Variants in CRADD observed in about 807,000 individuals in gnomAD.
CRADD encodes the protein CARD and death domain containing adaptor protein.
Under a neutral mutation model 15.5 loss-of-function variants are expected in CRADD, and 9 were observed. The observed-to-expected ratio is 0.58, with a 90% CI of 0.35 to 1.01. The LOEUF (loss-of-function observed/expected upper bound fraction) is 1.01, where lower values mean the gene tolerates loss of function less well. Ranked by LOEUF, CRADD falls within the 50% of genes least tolerant of loss-of-function variation. The pLI is 0.02. For synonymous variants in CRADD, 118 were observed against 107.6 expected (o/e 1.10, Z -0.60); for missense variants, 227 against 250.3 (o/e 0.91, Z 0.63).
At chr12:93,861,063 T>C (rs1481205179) in intron 2 of CRADD, among the ~76,000 whole-genome samples, 2 of 152,130 alleles carry the variant, frequency 1.3e-5, no homozygotes, top group Non-Finnish European at 2.9e-5. Flanking sequence ...TAACAGAACT[T>C]GGCCAAGATT....
chr12:93,794,630 T>C (rs904623671), intron 2 of CRADD, among the ~76,000 whole-genome samples: 8 of 152,128 alleles, frequency 5.3e-5, no homozygotes, highest in African/African-American at 1.7e-4. Flanking sequence ...CCATATCACC[T>C]CCTAATCCAT....
intron 2 of CRADD, among the ~76,000 whole-genome samples, chr12:93,728,861 G>T (rs1480960564): frequency 6.6e-6 from 1 of 152,182 alleles, no homozygotes; most frequent in Admixed American, 6.5e-5. Flanking sequence ...GAAAATCAAT[G>T]TAATTTATTG....
chr12:93,885,436 G>C (rs1958529546), intron 2 of CRADD, among the ~76,000 whole-genome samples: 1 of 151,400 alleles, frequency 6.6e-6, no homozygotes, highest in African/African-American at 2.4e-5. Context: ...AGGTCCTCGT[G>C]CCCCCGCCAC....
At chr12:93,698,900 C>CT (rs1955774993) in intron 2 of CRADD, among the ~76,000 whole-genome samples, 1 of 152,142 alleles carries the variant, frequency 6.6e-6, no homozygotes, top group Admixed American at 6.5e-5. Flanking sequence ...TCTCTGGCTG[C>CT]TTTCACAATA....
intron 2 of CRADD, among the ~76,000 whole-genome samples, chr12:93,686,729 A>C (rs1181704098): frequency 6.6e-6 from 1 of 152,226 alleles, no homozygotes; most frequent in Non-Finnish European, 1.5e-5. Flanking sequence ...GATTAAGTCA[A>C]CTTGCCCATG....
chr12:93,694,757 A>T (rs970078785), intron 2 of CRADD, among the ~76,000 whole-genome samples: 1 of 152,172 alleles, frequency 6.6e-6, no homozygotes, highest in African/African-American at 2.4e-5. Flanking sequence ...TTAACCAAGG[A>T]TGTGAAAAAC....
intron 2 of CRADD, among the ~76,000 whole-genome samples, chr12:93,692,183 A>C (rs757666344): frequency 4.3e-4 from 65 of 152,282 alleles, no homozygotes; most frequent in Middle Eastern, 3.4e-3. Flanking sequence ...TTACAGTTGG[A>C]GGAGAAAAAG....
At chr12:93,702,633 A>G (rs975438187) in intron 2 of CRADD, among the ~76,000 whole-genome samples, 4 of 151,330 alleles carry the variant, frequency 2.6e-5, no homozygotes, top group African/African-American at 9.7e-5. Context: ...GTAAGACGGA[A>G]ACAATTCAAC....
chr12:93,682,949 A>G (rs960402313), intron 2 of CRADD, among the ~76,000 whole-genome samples: 6 of 152,240 alleles, frequency 3.9e-5, no homozygotes, highest in Admixed American at 2.6e-4. Flanking sequence ...GGCACCGTGG[A>G]GAGAACACTT....
At chr12:93,751,907 A>G (rs1302744180) in intron 2 of CRADD, among the ~76,000 whole-genome samples, 1 of 152,210 alleles carries the variant, frequency 6.6e-6, no homozygotes, top group African/African-American at 2.4e-5. Flanking sequence ...TGCTCCTTTC[A>G]GGATAGCTCT....
intron 2 of CRADD, among the ~76,000 whole-genome samples, chr12:93,860,785 A>G (rs1054402736): frequency 6.6e-6 from 1 of 152,184 alleles, no homozygotes; most frequent in African/African-American, 2.4e-5. Flanking sequence ...CTCAATGTAA[A>G]CAGTAAAATG....
At chr12:93,832,737 G>A (rs1957923046) in intron 2 of CRADD, among the ~76,000 whole-genome samples, 1 of 152,180 alleles carries the variant, frequency 6.6e-6, no homozygotes, top group South Asian at 2.1e-4. Flanking sequence ...ATAATTACGT[G>A]ATTAAGGAGT....
At chr12:93,773,113 T>C (rs1198778315) in intron 2 of CRADD, among the ~76,000 whole-genome samples, 1 of 152,192 alleles carries the variant, frequency 6.6e-6, no homozygotes, top group Non-Finnish European at 1.5e-5. Context: ...TATTTACCAG[T>C]CAGGTTGTTA....
intron 2 of CRADD, among the ~76,000 whole-genome samples, chr12:93,802,205 C>A (rs1005227941): frequency 2.0e-5 from 3 of 152,128 alleles, no homozygotes; most frequent in African/African-American, 7.2e-5. Flanking sequence ...GGGTAGGAAC[C>A]CAGTAGTGGG....
intron 2 of CRADD, among the ~76,000 whole-genome samples, chr12:93,724,633 A>G (rs1956322113): frequency 6.6e-6 from 1 of 152,228 alleles, no homozygotes; most frequent in Non-Finnish European, 1.5e-5. Flanking sequence ...GAAAAAAGTC[A>G]GGTAGTTAAT....
chr12:93,870,817 G>C (rs1958412527), intron 2 of CRADD, among the ~76,000 whole-genome samples: 1 of 152,214 alleles, frequency 6.6e-6, no homozygotes. Flanking sequence ...AGAAAGGCAG[G>C]CCATAGGATC....
chr12:93,829,520 C>A (rs1305151183), intron 2 of CRADD, among the ~76,000 whole-genome samples: 1 of 152,138 alleles, frequency 6.6e-6, no homozygotes, highest in Admixed American at 6.5e-5. Context: ...TGTGAAACCT[C>A]TCAATTTTTA....
rs536200251 is a variant in CRADD at position 93,880,518 on chromosome 12, T to C, written c.299-13532T>C. Among the ~76,000 whole-genome samples, 118 of 152,304 alleles carry C rather than the reference T, an allele frequency of 7.7e-4. No individual in the cohort carries two copies. In the Middle Eastern group the frequency reaches 0.017, roughly 22 times the overall value. On this transcript the variant is annotated intron_variant, in intron 2 of 2. Transcript: ENST00000548483. ...GGGACTGCGCAGCTCACCGTCTTGC[T>C]TTTTCATTTTGCTTCTTCTAACATT...
downstream of CRADD, among the ~76,000 whole-genome samples, chr12:93,855,192 TA>T (rs556575879): frequency 3.5e-4 from 53 of 150,026 alleles, no homozygotes; most frequent in Non-Finnish European, 5.9e-4. Context: ...AACTCCGTCT[TA>T]AAAAAAAAAT....
Sources: gnomAD v4.1 joint callset for allele counts (sites outside exome capture counted in the v4.1 genomes callset) on GRCh38, gnomAD v4.1.1 for gene constraint, MANE v1.5 for transcripts, NCBI Gene and HGNC (gene_info 2026-07-23, HGNC 2026-07-21) for gene names.